Variants in ELL2 observed in about 807,000 individuals in gnomAD.
ELL2 encodes the protein RNA polymerase II elongation factor ELL2.
In ELL2, 21 loss-of-function variants were observed where a neutral mutation model predicts 72.8. The ratio of observed to expected loss-of-function variants is 0.29; its 90% CI spans 0.20 to 0.42. The LOEUF (loss-of-function observed/expected upper bound fraction) is 0.42, where lower values mean the gene tolerates loss of function less well. Among genes scored for constraint, ELL2 ranks in the 10% least tolerant of loss-of-function variants. ELL2 has a pLI of 1.00. For synonymous variants in ELL2, 266 were observed against 283.2 expected, an observed-to-expected ratio of 0.94 and a Z score of 0.61; for missense variants, 568 against 772.8, an observed-to-expected ratio of 0.73 and a Z score of 3.14.
In ELL2 at chr5:95,889,130, T is replaced by A; in HGVS notation, c.1762A>T (p.Asn588Tyr). ...RLSPGSKEYQ[N>Y]VHEEVLQEYQ... ...TCTTGTAAGACTTCTTCATGAACAT[T>A]CTACAAAATTAAATATTAGAAATCA... Residue 588 changes from asparagine (N) to tyrosine (Y), a missense_variant and splice_region_variant, in exon 11 of 12, where the codon AAT (asparagine) becomes TAT (tyrosine). Asn to Tyr is a moderately radical substitution (Grantham distance 143, BLOSUM62 -2). Transcript: ENST00000237853. 1 of 1,604,506 alleles carries A rather than the reference T, an allele frequency of 6.2e-7. No homozygotes were observed. The highest frequency in any genetic ancestry group is 1.1e-5 in the South Asian group (1 of 89,792).
intron 1 of ELL2, among the ~76,000 whole-genome samples, chr5:95,947,188 G>A (rs931816360): frequency 1.7e-4 from 25 of 151,356 alleles, no homozygotes; most frequent in African/African-American, 4.6e-4. Flanking sequence ...CAAGTATTAC[G>A]TGCTCAGCTA....
At chr5:95,910,054 G>A (rs1037138892) in intron 4 of ELL2, among the ~76,000 whole-genome samples, 9 of 152,058 alleles carry the variant, frequency 5.9e-5, no homozygotes, top group African/African-American at 2.2e-4. Context: ...CCACCACTTG[G>A]CATTTGTGAC....
intron 1 of ELL2, among the ~76,000 whole-genome samples, chr5:95,950,904 G>A (rs199565231): frequency 0.046 from 2,122 of 46,086 alleles, 122 homozygotes; most frequent in East Asian, 0.11. Flanking sequence ...GTATGTATGT[G>A]TATATATATA....
In ELL2 at chr5:95,936,308, G is replaced by C. The variant is rs2161317; in HGVS notation, c.195+6694C>G. Among the ~76,000 whole-genome samples the C allele has an allele frequency of 8.4e-3, 1,274 of 152,324 alleles. 39 individuals carry two copies. Among genetic ancestry groups the C allele is most frequent in the Admixed American group, 0.059 (899 of 15,296 alleles). The stretch of plus-strand genomic sequence containing the variant: ...AGTCATGAAGCTTCTTTTGAGAAGA[G>C]AATGTATACGTACCTATATATATGT... On this transcript the variant is annotated intron_variant, in intron 2 of 11. Coordinates refer to ENST00000237853, the MANE Select transcript of ELL2 (RefSeq NM_012081.6).
At chr5:95,904,647 A>T (rs1331946057) in intron 5 of ELL2, among the ~76,000 whole-genome samples, 1 of 152,254 alleles carries the variant, frequency 6.6e-6, no homozygotes, top group Non-Finnish European at 1.5e-5. Context: ...AGCCTGATTA[A>T]TTATTTTAGG....
At chr5:95,922,520 CAG>C (rs1750126859) in intron 2 of ELL2, among the ~76,000 whole-genome samples, 2 of 152,180 alleles carry the variant, frequency 1.3e-5, no homozygotes, top group Admixed American at 1.3e-4. Context: ...GTCCACTAAA[CAG>C]AGTGTTACAG....
At chr5:95,903,477 C>T (rs1426156857) in intron 5 of ELL2, among the ~76,000 whole-genome samples, 2 of 152,038 alleles carry the variant, frequency 1.3e-5, no homozygotes, top group African/African-American at 4.8e-5. Context: ...GATCCCCCCA[C>T]CTCGGCCTCC....
At chr5:95,939,214 C>T (rs183352234) in intron 2 of ELL2, among the ~76,000 whole-genome samples, 29 of 152,306 alleles carry the variant, frequency 1.9e-4, no homozygotes, top group Admixed American at 6.5e-4. Flanking sequence ...TACACATATA[C>T]GCCTTGTTCC....
intron 1 of ELL2, among the ~76,000 whole-genome samples, chr5:95,960,554 C>T (rs1751794655): frequency 6.6e-6 from 1 of 151,930 alleles, no homozygotes; most frequent in Non-Finnish European, 1.5e-5. Context: ...GGGCTTCTCT[C>T]GAAAACGAGG....
At chr5:95,940,179 A>AGG (rs1277577311) in intron 2 of ELL2, among the ~76,000 whole-genome samples, 2 of 152,350 alleles carry the variant, frequency 1.3e-5, no homozygotes, top group East Asian at 3.8e-4. Context: ...ATTAAGGAAC[A>AGG]GGGGTAAAAT....
chr5:95,915,592 C>T (rs1028028355), intron 3 of ELL2, among the ~76,000 whole-genome samples: 1 of 152,002 alleles, frequency 6.6e-6, no homozygotes, highest in Non-Finnish European at 1.5e-5. Context: ...TAATGGGTGA[C>T]AAGGATGGAC....
At chr5:95,906,880 G>A in intron 4 of ELL2, 98 bp from the exon 5 acceptor site, 4 of 1,294,484 alleles carry the variant, frequency 3.1e-6, no homozygotes, top group Middle Eastern at 2.0e-4. Flanking sequence ...TTCATTTCTA[G>A]AGGAAATAAT....
rs180766875 is a variant in ELL2 at position 95,904,614 on chromosome 5, A to T, written c.741+1909T>A. On this transcript the variant is annotated intron_variant, in intron 5 of 11. Coordinates refer to ENST00000237853, the MANE Select transcript of ELL2 (RefSeq NM_012081.6). ...TACTGTGTAAGTAACAAATAAGCAA[A>T]TTATCTCTACTGGCACAGGCAAAGC... Among the ~76,000 whole-genome samples the T allele has an allele frequency of 1.5e-3, 226 of 152,316 alleles. 5 individuals carry two copies. Among genetic ancestry groups the T allele is most frequent in the Admixed American group, 1.8e-3 (27 of 15,302 alleles).
chr5:95,933,005 A>G (rs1054420204), intron 2 of ELL2, among the ~76,000 whole-genome samples: 3 of 152,212 alleles, frequency 2.0e-5, no homozygotes, highest in African/African-American at 7.2e-5. Flanking sequence ...ATGTTACTTT[A>G]CGCTATCTTA....
At chr5:95,939,860 C>T (rs1234650753) in intron 2 of ELL2, among the ~76,000 whole-genome samples, 1 of 152,142 alleles carries the variant, frequency 6.6e-6, no homozygotes, top group African/African-American at 2.4e-5. Flanking sequence ...AATGTTGTAA[C>T]TTGAAGATCA....
In ELL2 at chr5:95,888,838, A is replaced by G. The variant is rs369787361; in HGVS notation, c.*33T>C. On this transcript the variant is annotated 3_prime_UTR_variant, in exon 12 of 12. Transcript: ENST00000237853. ...TTGGAATTTTAAATAAATAAGCTTA[A>G]GTTTATTCACATCTTCTGGTCCAAG... 6.9e-7 allele frequency: 1 copy of G among 1,458,842 alleles called. No individual in the cohort carries two copies. Among genetic ancestry groups the G allele is most frequent in the African/African-American group, 1.4e-5 (1 of 69,484 alleles). The allele number at this position is 1,458,842 out of a possible 1,614,324, so 90.4% of individuals were successfully genotyped here. A position where few individuals can be genotyped will look rare whatever the true frequency, so the allele number is the denominator to read the frequency against.
At chr5:95,926,267 A>G (rs1205155219) in intron 2 of ELL2, among the ~76,000 whole-genome samples, 1 of 152,152 alleles carries the variant, frequency 6.6e-6, no homozygotes, top group East Asian at 1.9e-4. Flanking sequence ...CTTCACTGGC[A>G]ATAGAAAAAG....
chr5:95,916,374 C>T (rs1749799787), intron 3 of ELL2, among the ~76,000 whole-genome samples: 1 of 152,100 alleles, frequency 6.6e-6, no homozygotes, highest in Non-Finnish European at 1.5e-5. Context: ...AGGGAACCAA[C>T]TGTGAAGAAC....
chr5:95,909,151 TA>T (rs1224172694), intron 4 of ELL2, among the ~76,000 whole-genome samples: 1 of 152,084 alleles, frequency 6.6e-6, no homozygotes, highest in Non-Finnish European at 1.5e-5. Flanking sequence ...ACTTTGCCCT[TA>T]AAAGGGATAT....
Sources: gnomAD v4.1 joint callset for allele counts (sites outside exome capture counted in the v4.1 genomes callset) on GRCh38, gnomAD v4.1.1 for gene constraint, MANE v1.5 for transcripts, NCBI Gene and HGNC (gene_info 2026-07-23, HGNC 2026-07-21) for gene names.